The following WASHC5 variants were observed in gnomAD, a reference collection of about 807,000 sequenced individuals.
The protein encoded by WASHC5 is WASH complex subunit 5.
In WASHC5, 101 loss-of-function variants were observed where a neutral mutation model predicts 150.4. The observed-to-expected ratio is 0.67, with a 90% confidence interval of 0.57 to 0.79. The LOEUF is 0.79. WASHC5 is among the 30% of genes least tolerant of loss of function. The probability of loss-of-function intolerance (pLI) is 0.00; values close to 1 mark genes in which losing one functional copy is unlikely to be tolerated. For synonymous variants in WASHC5, 467 were observed against 491.2 expected (o/e 0.95, Z 0.65); for missense variants, 1,195 against 1,396.3 (o/e 0.86, Z 2.30).
chr8:125,072,527 C>T (rs1286416976), intron 9 of WASHC5, among the ~76,000 whole-genome samples: 3 of 152,044 alleles, frequency 2.0e-5, no homozygotes, highest in Non-Finnish European at 1.5e-5. Flanking sequence ...GTGTGTGCCA[C>T]CATGCCCAGC....
At chr8:125,055,801 T>C (rs1231885163) in intron 16 of WASHC5, 130 bp from the exon 17 acceptor site, 6 of 714,978 alleles carry the variant, frequency 8.4e-6, no homozygotes, top group Non-Finnish European at 1.5e-5. Flanking sequence ...TGAGGCTCTG[T>C]GGTACAACTG....
chr8:125,027,408 T>C (rs978121326), intron 28 of WASHC5, among the ~76,000 whole-genome samples: 16 of 152,340 alleles, frequency 1.1e-4, no homozygotes, highest in African/African-American at 3.6e-4. Context: ...GAAATTGTGA[T>C]ATATACATAC....
Position 125,044,056 on chromosome 8 carries a change from G to C in WASHC5, c.2706C>G (p.Asp902Glu), listed in dbSNP as rs755904270. Residue 902 changes from aspartate (D) to glutamate (E), a missense_variant, in exon 22 of 29, where the codon GAC becomes GAG. Asp to Glu is a conservative substitution (Grantham distance 45). Around this residue, in one of 3 missense-constraint regions of WASHC5, gnomAD observed 997 missense variants for 1,168.1 expected, o/e 0.85. Transcript: ENST00000318410. ...LSMFQKIILR[D>E]RTVQDTLKTL... ...TTTTTAAAGTGTCCTGAACAGTTCT[G>C]TCTCTCAGGATAATTTTCTGAAACA... The C allele has an allele frequency of 2.5e-6, 4 of 1,613,370 alleles. No individual in the cohort carries two copies. Among genetic ancestry groups the C allele is most frequent in the East Asian group, 2.2e-5 (1 of 44,856 alleles).
At chr8:125,074,059 C>A (rs1186555366) in intron 8 of WASHC5, among the ~76,000 whole-genome samples, 1 of 152,076 alleles carries the variant, frequency 6.6e-6, no homozygotes, top group Non-Finnish European at 1.5e-5. Flanking sequence ...ATTTCCAAAC[C>A]AGCTTTTTGG....
chr8:125,088,038 G>A (rs187057658), intron 1 of WASHC5, among the ~76,000 whole-genome samples: 2 of 152,290 alleles, frequency 1.3e-5, no homozygotes, highest in Admixed American at 6.5e-5. Context: ...GGATATCTGG[G>A]TATGGTCAGC....
In WASHC5 at chr8:125,024,508, G is replaced by C; in HGVS notation, c.*109C>G. On this transcript the variant is annotated 3_prime_UTR_variant, in exon 29 of 29. Coordinates refer to ENST00000318410, the MANE Select transcript of WASHC5 (RefSeq NM_014846.4). ...CGTCTGATGTTTCCCATAATAGACA[G>C]AAAAAATGCAGTTGTATGAGCAACT... 1.2e-6 allele frequency: 1 copy of C among 823,422 alleles called. No homozygotes were observed. The highest frequency in any genetic ancestry group is 1.8e-5 in the Admixed American group (1 of 55,084). The allele number at this position is 823,422 out of a possible 1,614,324, so 51.0% of individuals were successfully genotyped here.
chr8:125,035,390 GA>G (rs1815670489), intron 26 of WASHC5, among the ~76,000 whole-genome samples: 1 of 152,160 alleles, frequency 6.6e-6, no homozygotes, highest in Non-Finnish European at 1.5e-5. Context: ...TTAATGAAAA[GA>G]AGGTTCTTTC....
intron 3 of WASHC5, chr8:125,082,824 C>T: frequency 2.8e-6 from 1 of 356,798 alleles, no homozygotes; most frequent in Non-Finnish European, 5.0e-6. Context: ...TTCTTTTTCC[C>T]ACTTTTCACA....
At chr8:125,047,359 T>A (rs764342157) in intron 19 of WASHC5, 28 bp from the exon 20 acceptor site, 12 of 1,607,608 alleles carry the variant, frequency 7.5e-6, no homozygotes, top group Non-Finnish European at 7.7e-6. Context: ...CAATATTTAG[T>A]AAACCTTTGA....
At chr8:125,086,228 A>G (rs532697019) in intron 1 of WASHC5, among the ~76,000 whole-genome samples, 4 of 152,204 alleles carry the variant, frequency 2.6e-5, no homozygotes, top group Non-Finnish European at 4.4e-5. Flanking sequence ...TGTTGGTAGG[A>G]CTGTTTTCTT....
At chr8:125,048,919 C>T in intron 19 of WASHC5, 87 bp downstream of exon 19, 1 of 1,124,100 alleles carries the variant, frequency 8.9e-7, no homozygotes, top group South Asian at 1.6e-5. Context: ...AGTAAACTTT[C>T]TTGTTGACAT....
Position 125,049,022 on chromosome 8 carries a change from T to C in WASHC5, c.2363A>G (p.Asn788Ser), listed in dbSNP as rs1226460844. ...INYNVEQECN[N>S]FLRTKIQDWQ... is the part of the protein sequence containing the mutation. ...ATTAGATACCTTCGTTCTTAGAAAGTTATTACACTCTTGCTCCACGTTGTA... is the reference window on the plus strand; with the variant it reads ...ATTAGATACCTTCGTTCTTAGAAAGCTATTACACTCTTGCTCCACGTTGTA... Residue 788 changes from asparagine to serine, a missense_variant, in exon 19 of 29, where the codon AAC becomes AGC. Around this residue, in one of 3 missense-constraint regions of WASHC5, gnomAD observed 997 missense variants for 1,168.1 expected, o/e 0.85. Coordinates refer to ENST00000318410, the MANE Select transcript of WASHC5 (RefSeq NM_014846.4). 1 of 1,612,510 alleles carries C rather than the reference T, an allele frequency of 6.2e-7. No homozygotes were observed. The highest frequency in any genetic ancestry group is 8.5e-7 in the Non-Finnish European group (1 of 1,179,022).
chr8:125,057,256 C>T (rs1816435971), intron 15 of WASHC5, among the ~76,000 whole-genome samples: 1 of 152,152 alleles, frequency 6.6e-6, no homozygotes, highest in South Asian at 2.1e-4. Flanking sequence ...GCTCTTTTAC[C>T]AGATATGGCT....
intron 23 of WASHC5, 95 bp from the exon 24 acceptor site, chr8:125,039,993 C>T (rs979448784): frequency 1.0e-5 from 8 of 778,204 alleles, no homozygotes; most frequent in Middle Eastern, 3.2e-4. Context: ...CTTCACTGGG[C>T]CTTCACATCA....
Position 125,061,135 on chromosome 8 carries a change from C to A in WASHC5, c.1468G>T (p.Asp490Tyr). The A allele has an allele frequency of 6.2e-7, 1 of 1,613,008 alleles. No homozygotes were observed. The highest frequency in any genetic ancestry group is 1.1e-5 in the South Asian group (1 of 91,038). Residue 490 changes from aspartate to tyrosine, a missense_variant, in exon 12 of 29, where the codon GAT (aspartate) becomes TAT (tyrosine). Asp to Tyr is a radical substitution (Grantham distance 160). Coordinates refer to ENST00000318410, the MANE Select transcript of WASHC5 (RefSeq NM_014846.4). The stretch of plus-strand genomic sequence containing the variant: ...GTTTTTCTGCCCGCAGCAGTAGAAT[C>A]ATCATAATTTAAAGACAATATTTGT... ...SKQILSLNYD[D>Y]STAAGRKTVQ...
At chr8:125,052,990 A>G (rs1426962758) in intron 17 of WASHC5, among the ~76,000 whole-genome samples, 1 of 152,242 alleles carries the variant, frequency 6.6e-6, no homozygotes, top group Non-Finnish European at 1.5e-5. Context: ...AGCCTATTTT[A>G]TAATAAAGTA....
chr8:125,044,835 C>CTA, intron 20 of WASHC5, 137 bp from the exon 21 acceptor site: 1 of 909,544 alleles, frequency 1.1e-6, no homozygotes, highest in South Asian at 1.3e-5. Context: ...CCTCTGTATT[C>CTA]AGGCACCCAA....
Position 125,044,702 on chromosome 8 carries a change from A to C in WASHC5, c.2505-4T>G. Reference sequence around the variant, plus strand: ...CTGGTCTATGTGACATGTCATTCTAAAATGAAAACAATGCAAAAACCCCAG... The same window carrying C: ...CTGGTCTATGTGACATGTCATTCTACAATGAAAACAATGCAAAAACCCCAG... On this transcript the variant is annotated splice_polypyrimidine_tract_variant and splice_region_variant and intron_variant, in intron 20 of 28. Transcript: ENST00000318410. The C allele has an allele frequency of 6.2e-7, 1 of 1,613,870 alleles. No homozygotes were observed. Among genetic ancestry groups the C allele is most frequent in the Non-Finnish European group, 8.5e-7 (1 of 1,179,902 alleles).
At chr8:125,091,236 C>T (rs1037008205) in intron 1 of WASHC5, among the ~76,000 whole-genome samples, 2 of 151,806 alleles carry the variant, frequency 1.3e-5, no homozygotes, top group African/African-American at 2.4e-5. Flanking sequence ...CAGCCCATGG[C>T]ATAACTAGAA....
Sources: allele counts gnomAD v4.1 joint callset (sites outside exome capture counted in the v4.1 genomes callset), GRCh38; gene constraint gnomAD v4.1.1; regional missense constraint gnomAD v4.1.1; transcripts MANE v1.5; gene names NCBI Gene and HGNC (gene_info 2026-07-23, HGNC 2026-07-21).